Variants in GRM8 observed in about 807,000 individuals in gnomAD.
The protein encoded by GRM8 is glutamate metabotropic receptor 8, also known as metabotropic glutamate receptor 8.
GRM8 carries 47 observed loss-of-function variants against 87.2 expected under a neutral mutation model. The observed-to-expected ratio is 0.54, with a 90% CI of 0.43 to 0.69. GRM8 has a LOEUF of 0.69. Among genes scored for constraint, GRM8 ranks in the 30% least tolerant of loss-of-function variants. The pLI, the probability that GRM8 is intolerant of heterozygous loss-of-function variation, is 0.00. For missense variants in GRM8, 1,019 were observed against 1,139.2 expected (o/e 0.89, Z 1.52); for synonymous variants, 396 against 404.5 (o/e 0.98, Z 0.25).
chr7:126,526,836 A>C (rs1351300257), intron 9 of GRM8, among the ~76,000 whole-genome samples: 1 of 152,222 alleles, frequency 6.6e-6, no homozygotes, highest in Non-Finnish European at 1.5e-5. Flanking sequence ...GCTTCCTCTG[A>C]ATCTTCACAA....
chr7:126,625,165 A>C (rs1800549893), intron 7 of GRM8, among the ~76,000 whole-genome samples: 1 of 152,212 alleles, frequency 6.6e-6, no homozygotes, highest in African/African-American at 2.4e-5. Flanking sequence ...AGAATAGTGT[A>C]GAGTGAGTAT....
At chr7:127,078,788 A>C (rs945767705) in intron 3 of GRM8, among the ~76,000 whole-genome samples, 10 of 152,246 alleles carry the variant, frequency 6.6e-5, no homozygotes, top group African/African-American at 2.4e-4. Flanking sequence ...CATAAATGCC[A>C]ATTTTTCTTG....
At chr7:127,119,750 G>T (rs1826921691) in intron 2 of GRM8, among the ~76,000 whole-genome samples, 2 of 152,136 alleles carry the variant, frequency 1.3e-5, no homozygotes, top group African/African-American at 4.8e-5. Context: ...ACAAGTATTT[G>T]TTAAGCACTT....
intron 3 of GRM8, among the ~76,000 whole-genome samples, chr7:127,060,459 T>C (rs1820493372): frequency 6.6e-6 from 1 of 152,162 alleles, no homozygotes; most frequent in African/African-American, 2.4e-5. Flanking sequence ...CAATCCTTTT[T>C]CACTGATAGT....
intron 8 of GRM8, among the ~76,000 whole-genome samples, chr7:126,567,257 G>C (rs1409176765): frequency 1.3e-5 from 2 of 152,006 alleles, no homozygotes; most frequent in African/African-American, 4.8e-5. Flanking sequence ...GTCCTTTGTA[G>C]GGACATAGAT....
chr7:126,555,669 T>C (rs1234100269), intron 8 of GRM8, among the ~76,000 whole-genome samples: 1 of 152,216 alleles, frequency 6.6e-6, no homozygotes, highest in East Asian at 1.9e-4. Flanking sequence ...GATCAGTAAA[T>C]GAAGCACCTA....
intron 7 of GRM8, among the ~76,000 whole-genome samples, chr7:126,622,838 C>G (rs1311826335): frequency 2.0e-5 from 3 of 152,162 alleles, no homozygotes; most frequent in South Asian, 4.1e-4. Flanking sequence ...TCTTATTTCT[C>G]TTTTACTCTT....
At chr7:126,779,063 T>C (rs1440506548) in intron 6 of GRM8, among the ~76,000 whole-genome samples, 1 of 152,080 alleles carries the variant, frequency 6.6e-6, no homozygotes, top group Non-Finnish European at 1.5e-5. Context: ...TAATGAGAAT[T>C]CCCCTATATT....
chr7:126,892,734 G>C lies in GRM8; in HGVS notation c.1156+9808C>G, dbSNP rs200881226. Among the ~76,000 whole-genome samples, 81 of 152,126 alleles carry C rather than the reference G, an allele frequency of 5.3e-4. No individual in the cohort carries two copies. In the East Asian group the frequency reaches 0.013, roughly 24 times the overall value. Reference sequence around the variant, plus strand: ...CACACTGACTTCCACAATGGTTGAAGTAGTTTACAGTCCCACCAACAGTGT... The same window carrying C: ...CACACTGACTTCCACAATGGTTGAACTAGTTTACAGTCCCACCAACAGTGT... On this transcript the variant is annotated intron_variant, in intron 6 of 10. Coordinates refer to ENST00000339582, the MANE Select transcript of GRM8 (RefSeq NM_000845.3).
chr7:126,954,819 C>T (rs897422881), intron 3 of GRM8, among the ~76,000 whole-genome samples: 6 of 152,030 alleles, frequency 3.9e-5, no homozygotes, highest in Non-Finnish European at 8.8e-5. Context: ...TTACTGTTTG[C>T]ATTAAAAATA....
chr7:127,043,771 A>T (rs1179498904), intron 3 of GRM8, among the ~76,000 whole-genome samples: 2 of 152,232 alleles, frequency 1.3e-5, no homozygotes, highest in African/African-American at 4.8e-5. Flanking sequence ...TAATAAAAAA[A>T]ATAAAATAAA....
chr7:126,633,013 G>A (rs1801494894), intron 7 of GRM8, among the ~76,000 whole-genome samples: 1 of 151,756 alleles, frequency 6.6e-6, no homozygotes, highest in African/African-American at 2.4e-5. Flanking sequence ...TTTATTTCCT[G>A]TAATAATCAT....
intron 7 of GRM8, among the ~76,000 whole-genome samples, chr7:126,717,870 T>C (rs1004486697): frequency 1.3e-5 from 2 of 152,120 alleles, no homozygotes; most frequent in African/African-American, 4.8e-5. Flanking sequence ...TTTGCTTATT[T>C]CTAGGAGTAA....
chr7:126,551,685 ATT>A (rs56412563), intron 8 of GRM8, among the ~76,000 whole-genome samples: 31 of 149,552 alleles, frequency 2.1e-4, no homozygotes, highest in Non-Finnish European at 2.2e-4. Flanking sequence ...ACCATACGTA[ATT>A]TTTTTTTTTA....
chr7:126,533,789 C>T lies in GRM8; in HGVS notation c.1593G>A (p.Gly531=). ...KPGERKKTVK[G]VPCCWHCERC... ...GTTCACAGTGCCAGCAGCAAGGGAC[C>T]CCTTTCACCGTTTTCTTCCTCTCCC... The change falls in exon 9 of 11, where the codon GGG becomes GGA. Residue 531 remains glycine, a synonymous_variant. Transcript: ENST00000339582. 3 of 1,614,002 alleles carry T rather than the reference C, an allele frequency of 1.9e-6. No individual in the cohort carries two copies. Among genetic ancestry groups the T allele is most frequent in the Non-Finnish European group, 2.5e-6 (3 of 1,179,918 alleles).
chr7:126,689,221 C>G (rs1232161474), intron 7 of GRM8, among the ~76,000 whole-genome samples: 2 of 152,236 alleles, frequency 1.3e-5, no homozygotes, highest in East Asian at 3.9e-4. Context: ...CTTGCTGACA[C>G]CAGCCTATAA....
chr7:126,904,675 A>G lies in GRM8; in HGVS notation c.736T>C (p.Cys246Arg). ...GGGATTTTCTGTGACTGAGCAATGC[A>G]AACACCACCTATTTAAAAAAGAAGG... ...TQISREIGGV[C>R]IAQSQKIPRE... Residue 246 changes from cysteine (C) to arginine (R), a missense_variant, in exon 4 of 11, where the codon TGC (cysteine) becomes CGC (arginine). Cys to Arg is a radical substitution (Grantham distance 180). Transcript: ENST00000339582. 1 of 1,613,540 alleles carries G rather than the reference A, an allele frequency of 6.2e-7. No individual in the cohort carries two copies. Among genetic ancestry groups the G allele is most frequent in the Non-Finnish European group, 8.5e-7 (1 of 1,179,586 alleles).
chr7:126,629,777 G>A (rs1302406184), intron 7 of GRM8, among the ~76,000 whole-genome samples: 1 of 152,074 alleles, frequency 6.6e-6, no homozygotes, highest in Non-Finnish European at 1.5e-5. Flanking sequence ...TGTTACTATG[G>A]TGATTTGAGG....
intron 1 of GRM8, among the ~76,000 whole-genome samples, chr7:127,247,891 T>A (rs1371503463): frequency 6.6e-6 from 1 of 152,202 alleles, no homozygotes; most frequent in East Asian, 1.9e-4. Context: ...TGAGTGACTT[T>A]TTTTCATCAG....
Sources: gnomAD v4.1 joint callset for allele counts (sites outside exome capture counted in the v4.1 genomes callset) on GRCh38, gnomAD v4.1.1 for gene constraint, MANE v1.5 for transcripts, NCBI Gene and HGNC (gene_info 2026-07-23, HGNC 2026-07-21) for gene names.